Variants in PCGF3 observed in about 807,000 individuals in gnomAD.
PCGF3 encodes the protein polycomb group ring finger 3.
In PCGF3, 7 loss-of-function variants were observed where a neutral mutation model predicts 33.1. The observed-to-expected ratio is 0.21, with a 90% confidence interval of 0.12 to 0.40. The LOEUF is 0.40. Among genes scored for constraint, PCGF3 ranks in the 10% least tolerant of loss-of-function variants. The pLI is 1.00. For missense variants in PCGF3, 211 were observed against 313.3 expected (o/e 0.67, Z 2.46); for synonymous variants, 153 against 121.3 (o/e 1.26, Z -1.72).
intron 8 of PCGF3, among the ~76,000 whole-genome samples, chr4:760,764 T>C (rs985961338): frequency 4.6e-5 from 7 of 152,244 alleles, no homozygotes; most frequent in Non-Finnish European, 8.8e-5. Flanking sequence ...CCGTGGCTGC[T>C]GGGACTCCAC....
At chr4:735,637 A>C (rs2109620284) in intron 5 of PCGF3, among the ~76,000 whole-genome samples, 1 of 152,344 alleles carries the variant, frequency 6.6e-6, no homozygotes, top group East Asian at 1.9e-4. Flanking sequence ...AATTTGCTGA[A>C]GTTAAATTTG....
chr4:769,305 A>AC (rs1745518180), exon 11 of PCGF3: 2 of 152,738 alleles, frequency 1.3e-5, no homozygotes, highest in Admixed American at 1.3e-4. Context: ...ACAGCGATTC[A>AC]AAGGGTGGCA....
chr4:761,198 A>G (rs186283266), intron 8 of PCGF3, 81 bp from the exon 9 acceptor site: 4 of 1,195,804 alleles, frequency 3.3e-6, no homozygotes, highest in East Asian at 2.7e-5. Flanking sequence ...TTGAGGAATT[A>G]GTGAAATATG....
At chr4:743,695 C>G in intron 7 of PCGF3, 111 bp downstream of exon 7, 1 of 661,378 alleles carries the variant, frequency 1.5e-6, no homozygotes, top group Non-Finnish European at 2.7e-6. Context: ...CACGGGAGAA[C>G]GTGGGGGAAC....
intron 8 of PCGF3, among the ~76,000 whole-genome samples, chr4:757,926 T>C: frequency 6.6e-6 from 1 of 152,074 alleles, no homozygotes; most frequent in East Asian, 1.9e-4. Context: ...CCTAGCACTT[T>C]GGGAAGCCGA....
intron 8 of PCGF3, among the ~76,000 whole-genome samples, chr4:749,095 T>C (rs1744398167): frequency 6.6e-6 from 1 of 152,298 alleles, no homozygotes; most frequent in East Asian, 1.9e-4. Flanking sequence ...CTTTTGATCC[T>C]TGACGTGCTA....
chr4:730,863 C>G (rs1406051570), intron 2 of PCGF3, 107 bp from the exon 3 acceptor site: 1 of 396,562 alleles, frequency 2.5e-6, no homozygotes, highest in South Asian at 1.4e-4. Context: ...CCCATTCCGC[C>G]CTTTGCTCGG....
intron 9 of PCGF3, chr4:761,638 AAGAG>A (rs1385617918): frequency 1.0e-6 from 1 of 982,586 alleles, no homozygotes; most frequent in Non-Finnish European, 1.2e-6. Context: ...CTGTGAGTGG[AAGAG>A]AGAACTAGGG....
At chr4:722,793 G>GC (rs1454699249) in intron 1 of PCGF3, among the ~76,000 whole-genome samples, 1 of 53,348 alleles carries the variant, frequency 1.9e-5, no homozygotes. Context: ...TCGCGTCATC[G>GC]CCATCCACGC....
rs1198200488 is a variant in PCGF3 at position 758,191 on chromosome 4, AAG to A, written c.463-3087_463-3086del. 1.9e-3 allele frequency among the ~76,000 whole-genome samples: 279 copies of A among 145,530 alleles called. 1 individual carries two copies. Among genetic ancestry groups the A allele is most frequent in the African/African-American group, 6.7e-3 (265 of 39,814 alleles). On this transcript the variant is annotated intron_variant, in intron 8 of 10. Coordinates refer to ENST00000362003, the Ensembl canonical transcript of PCGF3. ...AAAAAAAAAAAAAAAAAAAAAAAAA[AAG>A]TCCAAAGTCACTGTAAGTCTGTGCC... is the stretch of plus-strand genomic sequence containing the variant.
At chr4:761,826 C>T (rs940528187) in intron 9 of PCGF3, 13 of 985,256 alleles carry the variant, frequency 1.3e-5, no homozygotes, top group African/African-American at 1.7e-5. Context: ...TGGCAGCGGG[C>T]GCACCATGAA....
chr4:723,990 G>C (rs1164242920), intron 1 of PCGF3: 1 of 152,448 alleles, frequency 6.6e-6, no homozygotes, highest in Non-Finnish European at 1.5e-5. Flanking sequence ...TTCCCCAGCA[G>C]CTGTGAGGAT....
At chr4:768,570 T>G (rs1008772774) in exon 11 of PCGF3, 1 of 152,148 alleles carries the variant, frequency 6.6e-6, no homozygotes, top group Admixed American at 6.6e-5. Flanking sequence ...TATGCGTCGT[T>G]TTCAACAGCA....
At chr4:758,562 G>A (rs1173189817) in intron 8 of PCGF3, among the ~76,000 whole-genome samples, 2 of 116,504 alleles carry the variant, frequency 1.7e-5, no homozygotes, top group Admixed American at 9.3e-5. Context: ...TCCAGACTCC[G>A]GGTCTTTCCC....
chr4:706,723 G>T (rs1226479009), intron 1 of PCGF3, among the ~76,000 whole-genome samples: 1 of 135,144 alleles, frequency 7.4e-6, no homozygotes, highest in Non-Finnish European at 1.6e-5. Flanking sequence ...ACCCTGGGAA[G>T]GTCGCGACCC....
At chr4:719,410 G>A (rs1043507571) in intron 1 of PCGF3, among the ~76,000 whole-genome samples, 2 of 152,222 alleles carry the variant, frequency 1.3e-5, no homozygotes, top group African/African-American at 4.8e-5. Flanking sequence ...GAGAACCCTC[G>A]GTGCCTGGAC....
intron 3 of PCGF3, 141 bp from the exon 4 acceptor site, chr4:733,531 G>A: frequency 4.0e-6 from 3 of 753,848 alleles, no homozygotes; most frequent in Admixed American, 2.9e-5. Flanking sequence ...GGGAGCCTGG[G>A]ACCCCGTGAG....
chr4:744,107 C>A (rs1744211069), intron 7 of PCGF3, among the ~76,000 whole-genome samples: 2 of 152,242 alleles, frequency 1.3e-5, no homozygotes, highest in South Asian at 4.1e-4. Context: ...GTCACCCCCA[C>A]GGCTTTGCGG....
At chr4:752,624 G>A (rs1235961875) in intron 8 of PCGF3, among the ~76,000 whole-genome samples, 1 of 152,182 alleles carries the variant, frequency 6.6e-6, no homozygotes, top group East Asian at 1.9e-4. Context: ...GGGGTCCTGA[G>A]TGTCCGCTGG....
Sources: allele counts gnomAD v4.1 joint callset (sites outside exome capture counted in the v4.1 genomes callset), GRCh38; gene constraint gnomAD v4.1.1; transcripts MANE v1.5; gene names NCBI Gene and HGNC (gene_info 2026-07-23, HGNC 2026-07-21).